The following UBE2B variants were observed in gnomAD, a reference collection of about 807,000 sequenced individuals.
UBE2B encodes the protein ubiquitin conjugating enzyme E2 B, also known as ubiquitin-conjugating enzyme E2 B.
A neutral mutation model predicts 24.6 loss-of-function variants in UBE2B; 11 were observed. That is an observed-to-expected ratio of 0.45 (90% CI 0.28 to 0.74). UBE2B has a LOEUF of 0.74. UBE2B is among the 30% of genes least tolerant of loss of function. UBE2B has a pLI of 0.13. For missense variants in UBE2B, 78 were observed against 185.6 expected, an observed-to-expected ratio of 0.42 and a Z score of 3.37; for synonymous variants, 68 against 62.4, an observed-to-expected ratio of 1.09 and a Z score of -0.42.
chr5:134,375,820 A>AC, intron 2 of UBE2B, among the ~76,000 whole-genome samples: 2 of 150,560 alleles, frequency 1.3e-5, no homozygotes, highest in South Asian at 4.2e-4. Context: ...AAAAAAAAAA[A>AC]AAAAAACTTT....
chr5:134,376,344 A>ATAT (rs1296902949), intron 2 of UBE2B, among the ~76,000 whole-genome samples: 1 of 6,940 alleles, frequency 1.4e-4, no homozygotes, highest in East Asian at 5.6e-3. Context: ...AAAAAAAAAA[A>ATAT]AAAAATATAT....
Position 134,390,272 on chromosome 5 carries a change from AG to A in UBE2B, c.379del (p.Ala127HisfsTer33), listed in dbSNP as rs1561683869. 1 of 1,614,194 alleles carries A rather than the reference AG, an allele frequency of 6.2e-7. No individual in the cohort carries two copies. The highest frequency in any genetic ancestry group is 8.5e-7 in the Non-Finnish European group (1 of 1,180,022). ...CTAACAGTCCAGCCAATAGCCAGGC[AG>A]CACAGCTTTATCAGGAAAACAAACG... ...NPNSPANSQA[A>X]QLYQENKREY... On this transcript the variant is annotated frameshift_variant, in exon 6 of 6. Transcript: ENST00000265339. LOFTEE classifies it high-confidence loss of function. This position sits in a 1 kb window ranked among gnomAD's most constrained non-coding sequence, Gnocchi z 4.6.
Position 134,390,436 on chromosome 5 carries a change from C to T in UBE2B, c.*83C>T, listed in dbSNP as rs917752555. 2.1e-5 allele frequency: 33 copies of T among 1,565,604 alleles called. No individual in the cohort carries two copies. Among genetic ancestry groups the T allele is most frequent in the Non-Finnish European group, 2.7e-5 (31 of 1,141,914 alleles). On this transcript the variant is annotated 3_prime_UTR_variant, in exon 6 of 6. Transcript: ENST00000265339. The surrounding 1 kb of genome is among the most constrained non-coding windows in gnomAD (Gnocchi z 4.6). ...AGAAAGGCTAACAAATTTTAAGTGC[C>T]ACAGGTTTTAAGGATTCTGCAGAAA...
At chr5:134,371,727 C>A in intron 1 of UBE2B, 88 bp downstream of exon 1, 2 of 1,572,116 alleles carry the variant, frequency 1.3e-6, no homozygotes, top group South Asian at 2.3e-5. Context: ...CCCTTTGTGA[C>A]CCTCAGAGGG....
intron 4 of UBE2B, among the ~76,000 whole-genome samples, chr5:134,382,930 G>A (rs1279704676): frequency 3.3e-5 from 5 of 151,996 alleles, no homozygotes; most frequent in Admixed American, 6.6e-5. Flanking sequence ...ACTTTGGGAG[G>A]CCAAGGCAGG....
At chr5:134,377,409 G>C (rs1015628877) in intron 3 of UBE2B, among the ~76,000 whole-genome samples, 24 of 152,200 alleles carry the variant, frequency 1.6e-4, no homozygotes, top group Non-Finnish European at 2.9e-5. Flanking sequence ...TCCAGTAGGA[G>C]AAATGGTTAA....
At chr5:134,388,065 A>G (rs550055301) in intron 4 of UBE2B, 2 of 458,100 alleles carry the variant, frequency 4.4e-6, no homozygotes, top group Non-Finnish European at 8.0e-6. Context: ...CGGCCTCCCA[A>G]AGTGTTCAGG....
chr5:134,384,301 C>A (rs1163143091), intron 4 of UBE2B, among the ~76,000 whole-genome samples: 1 of 151,972 alleles, frequency 6.6e-6, no homozygotes, highest in African/African-American at 2.4e-5. Context: ...GTAATAGATA[C>A]TACCTTTGGC....
At chr5:134,373,312 T>C (rs1465259453) in intron 1 of UBE2B, among the ~76,000 whole-genome samples, 2 of 144,930 alleles carry the variant, frequency 1.4e-5, no homozygotes, top group East Asian at 2.0e-4. Flanking sequence ...TGAGGTTTGC[T>C]TTTTTTTTTT....
intron 4 of UBE2B, among the ~76,000 whole-genome samples, chr5:134,381,414 C>T (rs902795122): frequency 7.2e-5 from 11 of 152,108 alleles, no homozygotes; most frequent in African/African-American, 2.7e-4. Context: ...GACCACCATG[C>T]CCAGCTAATT....
chr5:134,372,760 G>A (rs568172754), intron 1 of UBE2B, among the ~76,000 whole-genome samples: 1 of 152,260 alleles, frequency 6.6e-6, no homozygotes, highest in African/African-American at 2.4e-5. Context: ...GCTTGAGATT[G>A]ACTAAAAACC....
chr5:134,383,401 C>T (rs1258047083), intron 4 of UBE2B, among the ~76,000 whole-genome samples: 1 of 151,310 alleles, frequency 6.6e-6, no homozygotes, highest in Non-Finnish European at 1.5e-5. Flanking sequence ...CCATTACCTC[C>T]CGGGTTCAAG....
intron 4 of UBE2B, chr5:134,388,042 A>G (rs1247450105): frequency 1.3e-4 from 51 of 407,654 alleles, no homozygotes; most frequent in Non-Finnish European, 2.3e-4. Context: ...ACCTCAAGCA[A>G]TCCTGCCTGC....
intron 1 of UBE2B, among the ~76,000 whole-genome samples, chr5:134,372,245 G>C (rs181020668): frequency 6.6e-6 from 1 of 152,188 alleles, no homozygotes; most frequent in Admixed American, 6.5e-5. Flanking sequence ...TGGGACCTTA[G>C]AGCTGGCCAC....
At position 134,383,122 on chromosome 5, in the gene UBE2B, G is replaced by A. The variant is rs1056209225; in HGVS notation, c.241+2314G>A. Among the ~76,000 whole-genome samples, 6 of 152,160 alleles carry A rather than the reference G, an allele frequency of 3.9e-5. No homozygotes were observed. In the South Asian group the frequency reaches 1.2e-3, roughly 32 times the overall value. ...GGAGGTTTCAGTGAGCCAAGATCGC[G>A]CCACTGCACTCCAGCCTGGCAACAG... On this transcript the variant is annotated intron_variant, in intron 4 of 5. Transcript: ENST00000265339.
intron 4 of UBE2B, among the ~76,000 whole-genome samples, chr5:134,387,175 G>A (rs963022562): frequency 1.3e-5 from 2 of 151,968 alleles, no homozygotes; most frequent in Non-Finnish European, 2.9e-5. Flanking sequence ...GGCCAGGCTG[G>A]TCTCGAACTC....
chr5:134,375,426 A>G (rs1209949425), intron 2 of UBE2B, among the ~76,000 whole-genome samples: 1 of 152,216 alleles, frequency 6.6e-6, no homozygotes, highest in African/African-American at 2.4e-5. Context: ...GAATTCTGAC[A>G]CTACAGAATC....
chr5:134,389,960 C>T (rs1168625599), intron 5 of UBE2B: 1 of 416,370 alleles, frequency 2.4e-6, no homozygotes, highest in African/African-American at 2.0e-5. Context: ...GGATTACAGG[C>T]ACAAGCCACT....
At chr5:134,376,348 A>AAATAT (rs1554114145) in intron 2 of UBE2B, among the ~76,000 whole-genome samples, 1 of 4,774 alleles carries the variant, frequency 2.1e-4, no homozygotes, top group African/African-American at 4.4e-4. Context: ...AAAAAAAAAA[A>AAATAT]ATATATATAT....
Sources: gnomAD v4.1 joint callset for allele counts (sites outside exome capture counted in the v4.1 genomes callset) on GRCh38, gnomAD v4.1.1 for gene constraint, Gnocchi (gnomAD v3.1) non-coding constraint, MANE v1.5 for transcripts, NCBI Gene and HGNC (gene_info 2026-07-23, HGNC 2026-07-21) for gene names.